Variants in TNKS observed in about 807,000 individuals in gnomAD.
TNKS encodes the protein tankyrase, also known as poly [ADP-ribose] polymerase tankyrase-1.
Under a neutral mutation model 135.8 loss-of-function variants are expected in TNKS, and 72 were observed. The ratio of observed to expected loss-of-function variants is 0.53; its 90% CI spans 0.44 to 0.64. The LOEUF (loss-of-function observed/expected upper bound fraction) is 0.64. Ranked by LOEUF, TNKS falls within the 30% of genes least tolerant of loss-of-function variation. The pLI is 0.00. For synonymous variants in TNKS, 849 were observed against 649.3 expected, an observed-to-expected ratio of 1.31 and a Z score of -4.68; for missense variants, 1,769 against 1,674.0, an observed-to-expected ratio of 1.06 and a Z score of -0.99.
chr8:9,753,972 G>A (rs1172285723), intron 20 of TNKS, among the ~76,000 whole-genome samples: 2 of 152,172 alleles, frequency 1.3e-5, no homozygotes, highest in African/African-American at 4.8e-5. Flanking sequence ...GCTTCTGATG[G>A]TTGGCAGCTT....
Position 9,779,939 on chromosome 8 carries a change from ACTT to A in TNKS, c.*3207_*3209del, listed in dbSNP as rs1483586454. 1 of 152,248 alleles carries A rather than the reference ACTT, an allele frequency of 6.6e-6. No homozygotes were observed. The highest frequency in any genetic ancestry group is 1.5e-5 in the Non-Finnish European group (1 of 68,050). 9.4% of individuals were successfully genotyped at this position (152,248 alleles called of 1,614,324 possible). ...TGTTTTCATGAAATAGCATCCTTAT[ACTT>A]CTTTGAGCTTGATGTTAGTGGCTAG... On this transcript the variant is annotated 3_prime_UTR_variant, in exon 27 of 27. Transcript: ENST00000310430.
In TNKS at chr8:9,616,448, C is replaced by T. The variant is rs181450039; in HGVS notation, c.994+771C>T. On this transcript the variant is annotated intron_variant, in intron 3 of 26. Transcript: ENST00000310430. ...CTTAACTGACCTTCGTAATGAGCCT[C>T]TGTCACTGCAGTGCTAACAGTATTG... Among the ~76,000 whole-genome samples the T allele has an allele frequency of 2.0e-3, 312 of 152,286 alleles. 5 individuals carry two copies. Among genetic ancestry groups the T allele is most frequent in the South Asian group, 3.9e-3 (19 of 4,824 alleles).
At chr8:9,571,669 G>A (rs756663065) in intron 1 of TNKS, among the ~76,000 whole-genome samples, 1 of 152,050 alleles carries the variant, frequency 6.6e-6, no homozygotes, top group African/African-American at 2.4e-5. Context: ...GTGTTAGCTG[G>A]GATGTTCTCG....
intron 21 of TNKS, among the ~76,000 whole-genome samples, chr8:9,762,400 T>TTTAAAGCAATTTAAAGCAA (rs1807190460): frequency 6.6e-6 from 1 of 152,230 alleles, no homozygotes; most frequent in East Asian, 1.9e-4. Flanking sequence ...GATAATGTGT[T>TTTAAAGCAATTTAAAGCAA]TTAAAGCAAT....
At chr8:9,705,681 T>A (rs1203174378) in intron 6 of TNKS, among the ~76,000 whole-genome samples, 5 of 152,222 alleles carry the variant, frequency 3.3e-5, no homozygotes, top group Non-Finnish European at 1.5e-5. Context: ...CTCTATTTCC[T>A]TGTGCATGTC....
At chr8:9,569,680 A>G (rs958144154) in intron 1 of TNKS, among the ~76,000 whole-genome samples, 14 of 152,284 alleles carry the variant, frequency 9.2e-5, no homozygotes, top group Middle Eastern at 6.8e-3. Context: ...AAAACTTTTT[A>G]GTTGTTTGAT....
chr8:9,576,382 C>A (rs1797944236), intron 1 of TNKS, among the ~76,000 whole-genome samples: 1 of 151,452 alleles, frequency 6.6e-6, no homozygotes, highest in Non-Finnish European at 1.5e-5. Context: ...AGGATATTTA[C>A]AATCATGGCA....
intron 3 of TNKS, among the ~76,000 whole-genome samples, chr8:9,624,966 G>T (rs971802801): frequency 1.3e-5 from 2 of 152,028 alleles, no homozygotes; most frequent in African/African-American, 4.8e-5. Context: ...ATCTGTAGTT[G>T]CTTGAATCCA....
chr8:9,710,280 C>A, intron 11 of TNKS, 60 bp downstream of exon 11: 1 of 1,483,900 alleles, frequency 6.7e-7, no homozygotes, highest in Non-Finnish European at 9.4e-7. Context: ...CTGCTCTTAA[C>A]ACTGCTTCTC....
chr8:9,652,872 A>T (rs1467950160), intron 3 of TNKS, among the ~76,000 whole-genome samples: 1 of 152,208 alleles, frequency 6.6e-6, no homozygotes, highest in Non-Finnish European at 1.5e-5. Flanking sequence ...AATGAGAAAC[A>T]TGAAACTCAG....
At chr8:9,698,761 A>G (rs1008808030) in intron 5 of TNKS, among the ~76,000 whole-genome samples, 6 of 152,194 alleles carry the variant, frequency 3.9e-5, no homozygotes, top group African/African-American at 1.2e-4. Flanking sequence ...GTATAGGAAA[A>G]ATTAAAACTA....
chr8:9,564,437 G>C (rs973678643), intron 1 of TNKS, among the ~76,000 whole-genome samples: 5 of 152,150 alleles, frequency 3.3e-5, no homozygotes, highest in African/African-American at 1.2e-4. Context: ...GAATAATTCT[G>C]AGAAAATAAA....
intron 2 of TNKS, among the ~76,000 whole-genome samples, chr8:9,582,232 T>C (rs944933089): frequency 7.9e-5 from 12 of 152,146 alleles, no homozygotes; most frequent in Middle Eastern, 3.2e-3. Flanking sequence ...GAGTTGAATA[T>C]GGTTAAGGAA....
intron 3 of TNKS, among the ~76,000 whole-genome samples, chr8:9,656,622 T>TC (rs1274287866): frequency 6.7e-6 from 1 of 150,150 alleles, no homozygotes; most frequent in Non-Finnish European, 1.5e-5. Context: ...TTTTTTTTTT[T>TC]TTTTAATTTA....
intron 5 of TNKS, among the ~76,000 whole-genome samples, chr8:9,687,980 C>T (rs77232441): frequency 1.8e-4 from 28 of 152,308 alleles, no homozygotes; most frequent in Non-Finnish European, 1.9e-4. Context: ...GCTGGAAAAA[C>T]ACCCATGTCA....
intron 20 of TNKS, among the ~76,000 whole-genome samples, chr8:9,760,295 G>A (rs914521428): frequency 3.3e-5 from 5 of 152,056 alleles, no homozygotes; most frequent in South Asian, 4.1e-4. Context: ...TGAATTGCCC[G>A]CTTTGTGCAA....
chr8:9,620,100 C>G (rs1039229935), intron 3 of TNKS, among the ~76,000 whole-genome samples: 5 of 152,102 alleles, frequency 3.3e-5, no homozygotes, highest in Non-Finnish European at 7.4e-5. Flanking sequence ...TAGGCAGGCG[C>G]CACCACGCCC....
intron 5 of TNKS, among the ~76,000 whole-genome samples, chr8:9,698,538 T>G (rs1055816150): frequency 3.3e-5 from 5 of 152,184 alleles, no homozygotes; most frequent in Non-Finnish European, 7.4e-5. Flanking sequence ...GGATTACACT[T>G]CCCACTTCAC....
intron 26 of TNKS, among the ~76,000 whole-genome samples, chr8:9,772,975 T>C (rs75692620): frequency 0.083 from 12,516 of 150,812 alleles, 559 homozygotes; most frequent in South Asian, 0.14. Flanking sequence ...TGAGGTTATG[T>C]AGCTGTTTTT....
Sources: allele counts gnomAD v4.1 joint callset (sites outside exome capture counted in the v4.1 genomes callset), GRCh38; gene constraint gnomAD v4.1.1; transcripts MANE v1.5; gene names NCBI Gene and HGNC (gene_info 2026-07-23, HGNC 2026-07-21).